The following FBXL7 variants were observed in gnomAD, a reference collection of about 807,000 sequenced individuals.
The protein encoded by FBXL7 is F-box and leucine rich repeat protein 7, also known as F-box/LRR-repeat protein 7.
In FBXL7, 12 loss-of-function variants were observed where a neutral mutation model predicts 38.3. The ratio of observed to expected loss-of-function variants is 0.31; its 90% CI spans 0.20 to 0.51. The LOEUF is 0.51. Ranked by LOEUF, FBXL7 falls within the 20% of genes least tolerant of loss-of-function variation. The pLI, the probability that FBXL7 is intolerant of heterozygous loss-of-function variation, is 0.98. For synonymous variants in FBXL7, 297 were observed against 300.9 expected (o/e 0.99, Z 0.13); for missense variants, 567 against 676.4 (o/e 0.84, Z 1.79).
chr5:15,541,441 G>GTATATATA lies in FBXL7; in HGVS notation c.37+40729_37+40730insATATATAT, dbSNP rs35405191. Among the ~76,000 whole-genome samples the GTATATATA allele has an allele frequency of 5.8e-3, 309 of 53,260 alleles. 1 individual carries two copies. The highest frequency in any genetic ancestry group is 7.3e-3 in the African/African-American group (114 of 15,616). The allele number at this position is 53,260 out of a possible 152,430, so 34.9% of individuals were successfully genotyped here. A position where few individuals can be genotyped will look rare whatever the true frequency, so the allele number is the denominator to read the frequency against. ...ATACATATAGTATATATGTGTGTGT[G>GTATATATA]TGTATATATATATATATATATATAT... On this transcript the variant is annotated intron_variant, in intron 1 of 3. Coordinates refer to ENST00000504595, the MANE Select transcript of FBXL7 (RefSeq NM_012304.5).
rs549615494 is a variant in FBXL7, at chr5:15,597,620, A to G, written c.38-18363A>G. 2.6e-5 allele frequency among the ~76,000 whole-genome samples: 4 copies of G among 152,246 alleles called. No individual in the cohort carries two copies. The South Asian group carries it at 8.3e-4, about 32-fold the overall frequency. On this transcript the variant is annotated intron_variant, in intron 1 of 3. Coordinates refer to ENST00000504595, the MANE Select transcript of FBXL7 (RefSeq NM_012304.5). ...AAGGCGTGTGAAGAAGGCCTAGAGC[A>G]GAGAAAGATTTTAATGTGTAGATTG... is the stretch of plus-strand genomic sequence containing the variant.
chr5:15,888,236 A>ATTTATTTT (rs1561174886), intron 2 of FBXL7, among the ~76,000 whole-genome samples: 1 of 106,692 alleles, frequency 9.4e-6, no homozygotes, highest in Non-Finnish European at 2.2e-5. Context: ...TTATTTATTT[A>ATTTATTTT]TTTATTTTTG....
At chr5:15,763,868 C>A (rs1021485781) in intron 2 of FBXL7, among the ~76,000 whole-genome samples, 4 of 152,154 alleles carry the variant, frequency 2.6e-5, no homozygotes, top group African/African-American at 9.7e-5. Context: ...TGGCTAGTCC[C>A]ACAATATGCT....
chr5:15,656,052 T>C (rs1027329283), intron 2 of FBXL7, among the ~76,000 whole-genome samples: 1 of 152,228 alleles, frequency 6.6e-6, no homozygotes, highest in Non-Finnish European at 1.5e-5. Flanking sequence ...CTAAGAACTT[T>C]TATTTTACAT....
intron 1 of FBXL7, among the ~76,000 whole-genome samples, chr5:15,551,637 T>C (rs2126422812): frequency 6.6e-6 from 1 of 152,350 alleles, no homozygotes; most frequent in South Asian, 2.1e-4. Context: ...TTAACTGTTT[T>C]TGATATGGGA....
intron 1 of FBXL7, among the ~76,000 whole-genome samples, chr5:15,534,933 G>A (rs1737536443): frequency 6.6e-6 from 1 of 152,210 alleles, no homozygotes; most frequent in East Asian, 1.9e-4. Flanking sequence ...CCATGTCAGG[G>A]GAGGGACCTG....
chr5:15,742,411 G>T (rs1412057956), intron 2 of FBXL7, among the ~76,000 whole-genome samples: 1 of 152,174 alleles, frequency 6.6e-6, no homozygotes, highest in East Asian at 1.9e-4. Context: ...TGTTTGGAAA[G>T]GCAGCTGAAG....
At chr5:15,805,645 T>C (rs257772) in intron 2 of FBXL7, among the ~76,000 whole-genome samples, 87,568 of 151,952 alleles carry the variant, frequency 0.58, 25,674 homozygotes, top group Non-Finnish European at 0.64. Context: ...CCCAAAGGCC[T>C]TATTCAACCC....
At chr5:15,911,310 A>T (rs200597338) in intron 2 of FBXL7, among the ~76,000 whole-genome samples, 2 of 50,522 alleles carry the variant, frequency 4.0e-5, no homozygotes, top group East Asian at 1.2e-3. Context: ...CTTCCAGTTG[A>T]TCGCATCGGC....
intron 1 of FBXL7, among the ~76,000 whole-genome samples, chr5:15,524,114 T>C (rs1242622639): frequency 6.6e-6 from 1 of 152,168 alleles, no homozygotes; most frequent in Non-Finnish European, 1.5e-5. Flanking sequence ...TAAATAACAA[T>C]AGAAAATTTT....
intron 2 of FBXL7, among the ~76,000 whole-genome samples, chr5:15,769,290 A>G (rs1736669538): frequency 6.6e-6 from 1 of 152,182 alleles, no homozygotes; most frequent in East Asian, 1.9e-4. Context: ...TGAGCATACA[A>G]CTTGAGTGCA....
Position 15,928,191 on chromosome 5 carries a change from C to T in FBXL7, c.429C>T (p.Arg143=), listed in dbSNP as rs757666214. The change falls in exon 3 of 4, where the codon CGC becomes CGT. Residue 143 remains arginine, a synonymous_variant. Transcript: ENST00000504595. This position sits in a 1 kb window ranked among gnomAD's most constrained non-coding sequence, Gnocchi z 4.0. ...QLCRCARVCR[R]WYNLAWDPRL... ...GCCGCTGCGCGCGAGTGTGCCGCCG[C>T]TGGTACAACCTGGCCTGGGACCCGC... 7 of 1,609,718 alleles carry T rather than the reference C, an allele frequency of 4.3e-6. No individual in the cohort carries two copies. In the East Asian group the frequency reaches 9.0e-5, roughly 21 times the overall value.
chr5:15,850,920 T>G (rs546131133), intron 2 of FBXL7, among the ~76,000 whole-genome samples: 1 of 152,372 alleles, frequency 6.6e-6, no homozygotes, highest in Admixed American at 6.5e-5. Flanking sequence ...CTCTGTGCCC[T>G]GCTCATCTCT....
intron 2 of FBXL7, among the ~76,000 whole-genome samples, chr5:15,698,682 A>G (rs1743422057): frequency 6.6e-6 from 1 of 152,214 alleles, no homozygotes; most frequent in African/African-American, 2.4e-5. Context: ...ACAGAGCTCA[A>G]GTGTATTCTA....
intron 2 of FBXL7, among the ~76,000 whole-genome samples, chr5:15,714,650 C>G (rs1407728540): frequency 6.6e-6 from 1 of 151,990 alleles, no homozygotes; most frequent in East Asian, 1.9e-4. Flanking sequence ...GTCAGGAGAC[C>G]ATACTAGCTA....
chr5:15,762,699 C>T (rs1398934050), intron 2 of FBXL7, among the ~76,000 whole-genome samples: 1 of 152,098 alleles, frequency 6.6e-6, no homozygotes, highest in East Asian at 1.9e-4. Context: ...CAGCGTACTG[C>T]TGAGAGAATG....
At chr5:15,556,556 C>T (rs979754249) in intron 1 of FBXL7, among the ~76,000 whole-genome samples, 1 of 152,118 alleles carries the variant, frequency 6.6e-6, no homozygotes, top group African/African-American at 2.4e-5. Flanking sequence ...TTAACCATAA[C>T]ACGAGGTTTG....
chr5:15,743,694 G>A (rs1292556401), intron 2 of FBXL7, among the ~76,000 whole-genome samples: 1 of 152,188 alleles, frequency 6.6e-6, no homozygotes, highest in Non-Finnish European at 1.5e-5. Context: ...TTTTGTTGGT[G>A]GTCCAATCCC....
At chr5:15,868,750 C>T (rs1055471542) in intron 2 of FBXL7, among the ~76,000 whole-genome samples, 5 of 152,140 alleles carry the variant, frequency 3.3e-5, no homozygotes, top group Non-Finnish European at 5.9e-5. Context: ...TGTCAAGTTT[C>T]CATTCAATGG....
Sources: gnomAD v4.1 joint callset for allele counts (sites outside exome capture counted in the v4.1 genomes callset) on GRCh38, gnomAD v4.1.1 for gene constraint, Gnocchi (gnomAD v3.1) non-coding constraint, MANE v1.5 for transcripts, NCBI Gene and HGNC (gene_info 2026-07-23, HGNC 2026-07-21) for gene names.